PER3: variants seen among roughly 807,000 people sequenced by gnomAD.
The protein encoded by PER3 is period circadian regulator 3, also known as period circadian protein homolog 3.
PER3 carries 107 observed loss-of-function variants against 127.2 expected under a neutral mutation model. The observed-to-expected ratio is 0.84, with a 90% CI of 0.72 to 0.99. PER3 has a LOEUF of 0.99. Among genes scored for constraint, PER3 ranks in the 50% least tolerant of loss-of-function variants. PER3 has a pLI of 0.00. For synonymous variants in PER3, 618 were observed against 585.8 expected (o/e 1.05, Z -0.79); for missense variants, 1,560 against 1,525.8 (o/e 1.02, Z -0.37).
At chr1:7,804,398 C>CT (rs568675301) in intron 10 of PER3, among the ~76,000 whole-genome samples, 20,035 of 124,410 alleles carry the variant, frequency 0.16, 1,697 homozygotes, top group Non-Finnish European at 0.2. Flanking sequence ...TTGTTTGTGT[C>CT]TTTTTTTTTT....
At chr1:7,815,784 G>A (rs2097246160) in intron 13 of PER3, among the ~76,000 whole-genome samples, 1 of 150,698 alleles carries the variant, frequency 6.6e-6, no homozygotes. Context: ...AGGAGATCGA[G>A]ACCATCCTGG....
chr1:7,785,069 G>A (rs2097079715), intron 2 of PER3, 64 bp downstream of exon 2: 2 of 1,521,510 alleles, frequency 1.3e-6, no homozygotes, highest in South Asian at 2.5e-5. Flanking sequence ...AGCAGGGAAA[G>A]GGGGACCTAA....
At chr1:7,825,511 G>A (rs1485933307) in intron 16 of PER3, among the ~76,000 whole-genome samples, 1 of 152,198 alleles carries the variant, frequency 6.6e-6, no homozygotes, top group Admixed American at 6.5e-5. Flanking sequence ...TGAAAAAGGT[G>A]TGTTGATGGT....
At chr1:7,809,818 G>A in intron 11 of PER3, 75 bp from the exon 12 acceptor site, 1 of 1,356,594 alleles carries the variant, frequency 7.4e-7, no homozygotes, top group Non-Finnish European at 1.0e-6. Context: ...ATTTTTACAT[G>A]ATTCTAGATG....
In PER3 at chr1:7,798,621, A is replaced by G; in HGVS notation, c.741A>G (p.Glu247=). The G allele has an allele frequency of 6.2e-7, 1 of 1,613,854 alleles. No individual in the cohort carries two copies. The highest frequency in any genetic ancestry group is 8.5e-7 in the Non-Finnish European group (1 of 1,179,720). The part of the protein sequence containing the change: ...HVHHPAQPEL[E]SEPCCLTVVE... ...ATCACCCTGCCCAGCCAGAATTGGA[A>G]TCGGAACCTTGCTGTCTCACTGTGG... The change falls in exon 7 of 22, where the codon GAA becomes GAG. Residue 247 remains glutamate, a synonymous_variant. Coordinates refer to ENST00000377532, the MANE Select transcript of PER3 (RefSeq NM_001377275.1).
rs538224145 is a variant in PER3, at chr1:7,819,461, G to A, written c.1658+41G>A. 1.1e-5 allele frequency: 18 copies of A among 1,587,656 alleles called. No homozygotes were observed. In the African/African-American group the frequency reaches 1.6e-4, roughly 14 times the overall value. ...TTTGGATACCATGTAAGTCTGTTCC[G>A]GAAGCATACACTGCCACTGTAGAGA... On this transcript the variant is annotated intron_variant, in intron 14 of 21. Coordinates refer to ENST00000377532, the MANE Select transcript of PER3 (RefSeq NM_001377275.1).
chr1:7,830,586 T>C (rs2097326924), intron 19 of PER3, among the ~76,000 whole-genome samples: 1 of 152,222 alleles, frequency 6.6e-6, no homozygotes, highest in African/African-American at 2.4e-5. Flanking sequence ...TCAGTTAGCA[T>C]GATGCTGTTG....
intron 13 of PER3, among the ~76,000 whole-genome samples, chr1:7,811,014 CTCTTT>C (rs2097216958): frequency 6.6e-6 from 1 of 152,112 alleles, no homozygotes; most frequent in African/African-American, 2.4e-5. Flanking sequence ...AAAACTTTGG[CTCTTT>C]TCTTGACATG....
At chr1:7,813,452 G>T (rs935211863) in intron 13 of PER3, among the ~76,000 whole-genome samples, 1 of 152,202 alleles carries the variant, frequency 6.6e-6, no homozygotes, top group African/African-American at 2.4e-5. Flanking sequence ...AAACATATTT[G>T]CAGGGAGGAG....
chr1:7,824,167 T>G (rs2097290830), intron 16 of PER3, among the ~76,000 whole-genome samples: 1 of 152,196 alleles, frequency 6.6e-6, no homozygotes, highest in Non-Finnish European at 1.5e-5. Flanking sequence ...AAAATGCCGT[T>G]AGAGAAGAAA....
At chr1:7,825,901 A>T (rs1386745284) in intron 16 of PER3, among the ~76,000 whole-genome samples, 1 of 151,736 alleles carries the variant, frequency 6.6e-6, no homozygotes, top group Non-Finnish European at 1.5e-5. Flanking sequence ...CAAAAAAAAA[A>T]AAAATGAACA....
At chr1:7,835,637 C>T (rs113124738) in intron 19 of PER3, 125 bp from the exon 20 acceptor site, 55 of 643,970 alleles carry the variant, frequency 8.5e-5, no homozygotes, top group African/African-American at 2.4e-4. Flanking sequence ...GGAAGTTTCC[C>T]GGAAATGATG....
chr1:7,792,160 C>T (rs1400957785), intron 5 of PER3, among the ~76,000 whole-genome samples: 1 of 152,180 alleles, frequency 6.6e-6, no homozygotes, highest in Non-Finnish European at 1.5e-5. Context: ...TTAATTGACT[C>T]AGTTCAGCAT....
rs2097302356 is a variant in PER3 at position 7,826,540 on chromosome 1, C to T, written c.2018C>T (p.Thr673Ile). Residue 673 changes from threonine (T) to isoleucine (I), a missense_variant, in exon 17 of 22, where the codon ACC (threonine) becomes ATC (isoleucine). Transcript: ENST00000377532. This position sits in a 1 kb window ranked among gnomAD's most constrained non-coding sequence, Gnocchi z 4.2. Reference protein sequence around the residue: ...WTLNMQPAPLTSEEFKHVGLT... With the variant: ...WTLNMQPAPLISEEFKHVGLT... ...CTGAACATGCAGCCAGCCCCTTTGACCTCGGAAGAATTTAAACACGTGGGG... is the reference window on the plus strand; with the variant it reads ...CTGAACATGCAGCCAGCCCCTTTGATCTCGGAAGAATTTAAACACGTGGGG... The T allele has an allele frequency of 2.5e-6, 4 of 1,613,950 alleles. No homozygotes were observed. In the East Asian group the frequency reaches 6.7e-5, roughly 27 times the overall value.
At chr1:7,825,194 A>T (rs1441836808) in intron 16 of PER3, among the ~76,000 whole-genome samples, 1 of 152,044 alleles carries the variant, frequency 6.6e-6, no homozygotes, top group East Asian at 1.9e-4. Flanking sequence ...GCTGCACCAC[A>T]GGGGCGAGCT....
Position 7,827,292 on chromosome 1 carries a change from C to T in PER3, c.2363C>T (p.Thr788Ile). ...CCPSAASSPH[T>I]SSPTFPPAAM... ...CCCTCCGCGGCCTCCTCTCCGCACACCTCGAGCCCGACCTTCCCACCTGCC... is the reference window on the plus strand; with the variant it reads ...CCCTCCGCGGCCTCCTCTCCGCACATCTCGAGCCCGACCTTCCCACCTGCC... The change falls in exon 18 of 22, where the codon ACC becomes ATC. Residue 788 changes from threonine (T) to isoleucine (I), a missense_variant. Thr to Ile is a moderately conservative substitution (Grantham distance 89). Coordinates refer to ENST00000377532, the MANE Select transcript of PER3 (RefSeq NM_001377275.1). The T allele has an allele frequency of 6.2e-7, 1 of 1,613,818 alleles. No individual in the cohort carries two copies. The highest frequency in any genetic ancestry group is 8.5e-7 in the Non-Finnish European group (1 of 1,179,870).
At chr1:7,813,607 C>A (rs1457001939) in intron 13 of PER3, among the ~76,000 whole-genome samples, 7 of 152,278 alleles carry the variant, frequency 4.6e-5, no homozygotes, top group South Asian at 4.1e-4. Context: ...AAATTACCCA[C>A]CAAACCAGCC....
intron 4 of PER3, 87 bp downstream of exon 4, chr1:7,786,923 A>G (rs2097094242): frequency 2.6e-6 from 2 of 762,782 alleles, no homozygotes; most frequent in Non-Finnish European, 4.6e-6. Flanking sequence ...AAGGATAACA[A>G]CGTTTCAGCA....
At chr1:7,840,251 T>C (rs1207152932) in intron 21 of PER3, among the ~76,000 whole-genome samples, 1 of 152,132 alleles carries the variant, frequency 6.6e-6, no homozygotes, top group East Asian at 1.9e-4. Flanking sequence ...ATCTCTTTAT[T>C]GATATTTACA....
Sources: gnomAD v4.1 joint callset for allele counts (sites outside exome capture counted in the v4.1 genomes callset) on GRCh38, gnomAD v4.1.1 for gene constraint, Gnocchi (gnomAD v3.1) non-coding constraint, MANE v1.5 for transcripts, NCBI Gene and HGNC (gene_info 2026-07-23, HGNC 2026-07-21) for gene names.